Variants in CMYA5 observed in about 807,000 individuals in gnomAD.
The protein encoded by CMYA5 is cardiomyopathy associated 5.
A neutral mutation model predicts 318.9 loss-of-function variants in CMYA5; 246 were observed. That is an observed-to-expected ratio of 0.77 (90% CI 0.70 to 0.86). The LOEUF is 0.86. Among genes scored for constraint, CMYA5 ranks in the 40% least tolerant of loss-of-function variants. The pLI, the probability that CMYA5 is intolerant of heterozygous loss-of-function variation, is 0.00. For synonymous variants in CMYA5, 1,641 were observed against 1,729.5 expected, an observed-to-expected ratio of 0.95 and a Z score of 1.27; for missense variants, 4,589 against 4,678.2, an observed-to-expected ratio of 0.98 and a Z score of 0.56.
At chr5:79,720,223 G>A (rs941499528) in intron 1 of CMYA5, among the ~76,000 whole-genome samples, 6 of 152,010 alleles carry the variant, frequency 3.9e-5, no homozygotes, top group African/African-American at 1.4e-4. Context: ...AGATGTCTAA[G>A]AATATGATAG....
chr5:79,733,147 C>T lies in CMYA5; in HGVS notation c.4382C>T (p.Ser1461Leu). Residue 1461 changes from serine to leucine, a missense_variant, in exon 2 of 13, where the codon TCA becomes TTA. Transcript: ENST00000446378. ...TCTATAGCAGAGCATTCTGTTTTGTCAGAAGTAGAAGCCAAAGAAGTTAAA... is the reference window on the plus strand; with the variant it reads ...TCTATAGCAGAGCATTCTGTTTTGTTAGAAGTAGAAGCCAAAGAAGTTAAA... Reference protein sequence around the residue: ...VSSIAEHSVLSEVEAKEVKAG... With the variant: ...VSSIAEHSVLLEVEAKEVKAG... 1.2e-6 allele frequency: 2 copies of T among 1,613,786 alleles called. No individual in the cohort carries two copies. The highest frequency in any genetic ancestry group is 1.7e-6 in the Non-Finnish European group (2 of 1,179,812).
chr5:79,795,482 C>T (rs535817864), intron 12 of CMYA5, among the ~76,000 whole-genome samples: 1 of 152,328 alleles, frequency 6.6e-6, no homozygotes, highest in South Asian at 2.1e-4. Flanking sequence ...ACTTGCCATG[C>T]TAGCTCAAGG....
At chr5:79,713,337 C>T (rs1025674985) in intron 1 of CMYA5, among the ~76,000 whole-genome samples, 1 of 131,312 alleles carries the variant, frequency 7.6e-6, no homozygotes, top group African/African-American at 2.8e-5. Context: ...ATTATCTTAG[C>T]TCCTAATGTC....
chr5:79,757,942 G>T (rs561142959), intron 6 of CMYA5, among the ~76,000 whole-genome samples: 21 of 152,184 alleles, frequency 1.4e-4, no homozygotes, highest in Non-Finnish European at 2.6e-4. Context: ...TGCATCTAAA[G>T]AATACAGCTG....
rs372396958 is a variant in CMYA5, at chr5:79,737,786, G to T, written c.9021G>T (p.Arg3007Ser). ...TVACHKTLKS[R>S]LEDEKVTPLK... ...CTTGTCATAAAACATTAAAGAGCAG[G>T]TTAGAAGATGAAAAAGTTACCCCAT... Residue 3007 changes from arginine (R) to serine (S), a missense_variant, in exon 2 of 13, where the codon AGG becomes AGT. Physicochemically the swap from Arg to Ser is moderately radical, Grantham distance 110. This residue lies in a region of CMYA5 where 2,431 missense variants were observed against 2,495.1 expected (regional missense o/e 0.97). Transcript: ENST00000446378. 20 of 1,610,814 alleles carry T rather than the reference G, an allele frequency of 1.2e-5. No individual in the cohort carries two copies. The highest frequency in any genetic ancestry group is 1.1e-4 in the East Asian group (5 of 44,854).
At chr5:79,721,042 T>A (rs1186826032) in intron 1 of CMYA5, among the ~76,000 whole-genome samples, 1 of 152,234 alleles carries the variant, frequency 6.6e-6, no homozygotes, top group Non-Finnish European at 1.5e-5. Context: ...GGATTCATGG[T>A]CTTTGTGTTG....
chr5:79,712,798 TA>T (rs1010094900), intron 1 of CMYA5, among the ~76,000 whole-genome samples: 33 of 152,168 alleles, frequency 2.2e-4, no homozygotes, highest in African/African-American at 7.7e-4. Flanking sequence ...ATAATTGTAT[TA>T]GGAAAAAAAA....
intron 2 of CMYA5, among the ~76,000 whole-genome samples, chr5:79,742,635 C>T (rs1293767765): frequency 6.6e-6 from 1 of 152,150 alleles, no homozygotes; most frequent in East Asian, 1.9e-4. Context: ...CTCCCCAGTC[C>T]ATCCCCATCA....
rs1302536399 is a variant in CMYA5, at chr5:79,731,027, C to G, written c.2262C>G (p.Leu754=). The change falls in exon 2 of 13, where the codon CTC becomes CTG. Residue 754 remains leucine (L), a synonymous_variant. Transcript: ENST00000446378. ...PAVAPASEPS[L]SPSTTEKTSE... is the part of the protein sequence containing the mutation. ...TGGCCCCTGCTTCTGAGCCCTCTCT[C>G]TCACCATCCACAACCGAAAAGACTT... The G allele has an allele frequency of 6.2e-7, 1 of 1,614,046 alleles. No individual in the cohort carries two copies. The highest frequency in any genetic ancestry group is 8.5e-7 in the Non-Finnish European group (1 of 1,179,898).
intron 5 of CMYA5, among the ~76,000 whole-genome samples, chr5:79,747,417 G>A (rs1828349738): frequency 6.6e-6 from 1 of 152,206 alleles, no homozygotes; most frequent in African/African-American, 2.4e-5. Flanking sequence ...ACATTTTGTA[G>A]ATGCTTAGAT....
At position 79,716,809 on chromosome 5, in the gene CMYA5, G is replaced by C. The variant is rs553250036; in HGVS notation, c.150-12106G>C. ...TTTTACGGTGGAGCTACTTTCAGTA[G>C]CAACATCCGTATACATCCTAGATTT... is the stretch of plus-strand genomic sequence containing the variant. On this transcript the variant is annotated intron_variant, in intron 1 of 12. Coordinates refer to ENST00000446378, the MANE Select transcript of CMYA5 (RefSeq NM_153610.5). Among the ~76,000 whole-genome samples the C allele has an allele frequency of 2.0e-5, 3 of 152,148 alleles. No individual in the cohort carries two copies. In the South Asian group the frequency reaches 6.2e-4, roughly 32 times the overall value.
chr5:79,705,279 TAAATA>T lies in CMYA5; in HGVS notation c.149+15235_149+15239del, dbSNP rs541271280. 3.3e-3 allele frequency among the ~76,000 whole-genome samples: 500 copies of T among 152,138 alleles called. 3 individuals carry two copies. The highest frequency in any genetic ancestry group is 4.5e-3 in the Non-Finnish European group (308 of 67,982). On this transcript the variant is annotated intron_variant, in intron 1 of 12. Transcript: ENST00000446378. ...AGAGTGAGACTTGGTCTCAAATAAA[TAAATA>T]AAATAAAATAATTTTCTCTTGCAGG...
intron 9 of CMYA5, among the ~76,000 whole-genome samples, chr5:79,772,249 G>A (rs1478316708): frequency 1.3e-5 from 2 of 152,174 alleles, no homozygotes; most frequent in Non-Finnish European, 2.9e-5. Context: ...CTTGTTGCAG[G>A]CAAGCATATT....
chr5:79,739,706 G>C (rs1000377909), intron 2 of CMYA5, among the ~76,000 whole-genome samples: 5 of 151,960 alleles, frequency 3.3e-5, no homozygotes, highest in Admixed American at 3.3e-4. Context: ...GAGGGGGCTG[G>C]GTGTGGTGGC....
chr5:79,703,678 T>G (rs982790858), intron 1 of CMYA5, among the ~76,000 whole-genome samples: 1 of 152,184 alleles, frequency 6.6e-6, no homozygotes, highest in Non-Finnish European at 1.5e-5. Context: ...AAGTTGGAAA[T>G]GGAGGCAGAG....
At chr5:79,748,921 A>G (rs1828382908) in intron 5 of CMYA5, among the ~76,000 whole-genome samples, 1 of 152,138 alleles carries the variant, frequency 6.6e-6, no homozygotes, top group Admixed American at 6.5e-5. Flanking sequence ...ATATTTGCTT[A>G]CTTATATTTT....
At chr5:79,764,225 C>A (rs1247401616) in intron 9 of CMYA5, among the ~76,000 whole-genome samples, 2 of 151,870 alleles carry the variant, frequency 1.3e-5, no homozygotes, top group African/African-American at 4.8e-5. Flanking sequence ...TTGTTCAACT[C>A]CCACTTATGA....
At position 79,733,018 on chromosome 5, in the gene CMYA5, AG is replaced by A. The variant is rs755236059; in HGVS notation, c.4255del (p.Val1419TrpfsTer16). On this transcript the variant is annotated frameshift_variant, in exon 2 of 13. Coordinates refer to ENST00000446378, the MANE Select transcript of CMYA5 (RefSeq NM_153610.5). LOFTEE classifies it high-confidence loss of function. The stretch of plus-strand genomic sequence containing the variant: ...CATTCAGTTCTTGCAGAAGAAGACA[AG>A]GTGGCAATTAAAGGTGCTTCTCCCA... ...DEHSVLAEED[K>X]VAIKGASPIE... is the part of the protein sequence containing the mutation. 6.8e-6 allele frequency: 11 copies of A among 1,613,356 alleles called. No individual in the cohort carries two copies. The Admixed American group carries it at 1.5e-4, about 22-fold the overall frequency.
chr5:79,708,522 G>C (rs902386677), intron 1 of CMYA5, among the ~76,000 whole-genome samples: 5 of 152,110 alleles, frequency 3.3e-5, no homozygotes, highest in Non-Finnish European at 7.4e-5. Flanking sequence ...CTACTTGGGA[G>C]GCTGAGGCGG....
Sources: allele counts gnomAD v4.1 joint callset (sites outside exome capture counted in the v4.1 genomes callset), GRCh38; gene constraint gnomAD v4.1.1; regional missense constraint gnomAD v4.1.1; transcripts MANE v1.5; gene names NCBI Gene and HGNC (gene_info 2026-07-23, HGNC 2026-07-21).